The following OTUD7A variants were observed in gnomAD, a reference collection of about 807,000 sequenced individuals.
OTUD7A encodes the protein OTU deubiquitinase 7A, also known as OTU domain-containing protein 7A.
Under a neutral mutation model 65.7 loss-of-function variants are expected in OTUD7A, and 12 were observed. That is an observed-to-expected ratio of 0.18 (90% CI 0.12 to 0.30). The LOEUF is 0.30. Ranked by LOEUF, OTUD7A falls within the 10% of genes least tolerant of loss-of-function variation. The pLI is 1.00. For missense variants in OTUD7A, 1,148 were observed against 1,304.8 expected (o/e 0.88, Z 1.85); for synonymous variants, 641 against 586.3 (o/e 1.09, Z -1.35).
chr15:31,778,632 C>T (rs910568295), intron 1 of OTUD7A, among the ~76,000 whole-genome samples: 5 of 151,964 alleles, frequency 3.3e-5, no homozygotes, highest in Non-Finnish European at 7.4e-5. Context: ...TGTGTGGATT[C>T]GTGGAGTGCC....
chr15:31,792,325 C>G (rs575375817), intron 1 of OTUD7A, among the ~76,000 whole-genome samples: 29 of 152,292 alleles, frequency 1.9e-4, no homozygotes, highest in African/African-American at 6.7e-4. Flanking sequence ...CGGATGCCAT[C>G]ACCTCCAGTT....
chr15:31,837,620 A>G (rs1897087993), intron 1 of OTUD7A, among the ~76,000 whole-genome samples: 1 of 152,218 alleles, frequency 6.6e-6, no homozygotes, highest in Non-Finnish European at 1.5e-5. Context: ...TTGTATATTG[A>G]AAGTCACAAA....
At chr15:31,771,637 A>T (rs1895237021) in intron 1 of OTUD7A, among the ~76,000 whole-genome samples, 1 of 152,162 alleles carries the variant, frequency 6.6e-6, no homozygotes, top group Non-Finnish European at 1.5e-5. Context: ...TAAAATGGTT[A>T]ACTAGAACCT....
At chr15:31,691,305 G>T (rs1892956356) in intron 1 of OTUD7A, among the ~76,000 whole-genome samples, 1 of 151,908 alleles carries the variant, frequency 6.6e-6, no homozygotes, top group South Asian at 2.1e-4. Context: ...AAAGAACAAA[G>T]CTAAAGGCAT....
rs971496682 is a variant in OTUD7A, at chr15:31,480,013, T to C, written c.*3281A>G. The C allele has an allele frequency of 6.6e-6, 1 of 152,196 alleles. No homozygotes were observed. Among genetic ancestry groups the C allele is most frequent in the Non-Finnish European group, 1.5e-5 (1 of 68,042 alleles). 9.4% of individuals were successfully genotyped at this position (152,196 alleles called of 1,614,324 possible). A position where few individuals can be genotyped will look rare whatever the true frequency, so the allele number is the denominator to read the frequency against. On this transcript the variant is annotated 3_prime_UTR_variant, in exon 13 of 13. Coordinates refer to ENST00000307050, the MANE Select transcript of OTUD7A (RefSeq NM_001382637.1). ...AAAAAAGACACTGATACATTCCCAC[T>C]TTCAGAAGGTATTTGAACAAGCAGC... is the stretch of plus-strand genomic sequence containing the variant.
At chr15:31,766,034 C>A in intron 1 of OTUD7A, 1 of 1,558,512 alleles carries the variant, frequency 6.4e-7, no homozygotes, top group Non-Finnish European at 8.8e-7. Context: ...AGTAAGTTGG[C>A]AAAGGAGCAA....
At chr15:31,510,495 A>G (rs1336572684) in intron 8 of OTUD7A, among the ~76,000 whole-genome samples, 2 of 148,240 alleles carry the variant, frequency 1.3e-5, no homozygotes, top group Admixed American at 1.4e-4. Flanking sequence ...ATGTATATCT[A>G]TATGTAACAT....
intron 3 of OTUD7A, among the ~76,000 whole-genome samples, chr15:31,572,463 A>G (rs1223947973): frequency 1.2e-4 from 18 of 152,230 alleles, no homozygotes; most frequent in Admixed American, 1.2e-3. Context: ...TAGTAGACAC[A>G]GATTTCATGG....
intron 3 of OTUD7A, among the ~76,000 whole-genome samples, chr15:31,597,899 C>T (rs1419093825): frequency 6.6e-6 from 1 of 152,190 alleles, no homozygotes; most frequent in African/African-American, 2.4e-5. Flanking sequence ...CTGAGGGGAG[C>T]CAGCAGGATT....
intron 1 of OTUD7A, among the ~76,000 whole-genome samples, chr15:31,774,557 C>CT (rs1409460484): frequency 6.6e-6 from 1 of 152,218 alleles, no homozygotes; most frequent in East Asian, 1.9e-4. Flanking sequence ...CCAGCACACT[C>CT]TGTTAATGAG....
chr15:31,575,844 C>T (rs947065428), intron 3 of OTUD7A, among the ~76,000 whole-genome samples: 1 of 152,102 alleles, frequency 6.6e-6, no homozygotes, highest in Non-Finnish European at 1.5e-5. Context: ...GGACATAGTC[C>T]GTGAAGGGCA....
chr15:31,530,962 T>C (rs573451449), intron 5 of OTUD7A, among the ~76,000 whole-genome samples, 154 bp from the exon 6 acceptor site: 2 of 152,304 alleles, frequency 1.3e-5, no homozygotes, highest in Admixed American at 6.5e-5. Context: ...AAATAAAATA[T>C]AGATTTCTTT....
intron 1 of OTUD7A, among the ~76,000 whole-genome samples, chr15:31,795,327 T>A (rs1434112129): frequency 6.6e-6 from 1 of 152,192 alleles, no homozygotes; most frequent in Admixed American, 6.5e-5. Flanking sequence ...ACAGAGTCGC[T>A]AGCACCATCA....
At chr15:31,784,625 T>C (rs1321906861) in intron 1 of OTUD7A, among the ~76,000 whole-genome samples, 2 of 152,160 alleles carry the variant, frequency 1.3e-5, no homozygotes, top group Non-Finnish European at 2.9e-5. Flanking sequence ...AAAAGCTCTT[T>C]AGGCACCACG....
intron 1 of OTUD7A, among the ~76,000 whole-genome samples, chr15:31,712,927 G>A (rs1395440918): frequency 2.0e-5 from 3 of 151,758 alleles, no homozygotes; most frequent in Non-Finnish European, 1.5e-5. Flanking sequence ...TCAAAAATGA[G>A]GGAAATGATC....
rs1218300897 is a variant in OTUD7A, at chr15:31,703,286, AGT to A, written c.-99-46211_-99-46210del. Among the ~76,000 whole-genome samples, 25 of 152,340 alleles carry A rather than the reference AGT, an allele frequency of 1.6e-4. 1 individual carries two copies. The highest frequency in any genetic ancestry group is 6.8e-3 in the Middle Eastern group (2 of 294). On this transcript the variant is annotated intron_variant, in intron 1 of 12. Coordinates refer to ENST00000307050, the MANE Select transcript of OTUD7A (RefSeq NM_001382637.1). ...TTGAACTTTTTGTTCTGTGAAAGAG[AGT>A]AAAAAGACCAGCTACTGACTGGGAG... is the stretch of plus-strand genomic sequence containing the variant.
intron 1 of OTUD7A, among the ~76,000 whole-genome samples, chr15:31,796,964 C>G (rs1008557635): frequency 6.6e-6 from 1 of 152,208 alleles, no homozygotes; most frequent in Non-Finnish European, 1.5e-5. Context: ...GAACTCCTGA[C>G]CCCAGGTGAT....
intron 1 of OTUD7A, among the ~76,000 whole-genome samples, chr15:31,819,016 G>A (rs1291960325): frequency 1.3e-5 from 2 of 152,142 alleles, no homozygotes; most frequent in African/African-American, 4.8e-5. Flanking sequence ...AGAAAGAGAT[G>A]AGCTCAGAAA....
rs563869307 is a variant in OTUD7A, at chr15:31,535,500, T to C, written c.551-4692A>G. ...AATGGACTATTACCTACCTTTACCA[T>C]ATGACCCAGCAATTCCACTCGTGGA... On this transcript the variant is annotated intron_variant, in intron 5 of 12. Transcript: ENST00000307050. 2.0e-5 allele frequency among the ~76,000 whole-genome samples: 3 copies of C among 152,240 alleles called. No homozygotes were observed. The East Asian group carries it at 5.8e-4, about 29-fold the overall frequency.
Sources: gnomAD v4.1 joint callset for allele counts (sites outside exome capture counted in the v4.1 genomes callset) on GRCh38, gnomAD v4.1.1 for gene constraint, MANE v1.5 for transcripts, NCBI Gene and HGNC (gene_info 2026-07-23, HGNC 2026-07-21) for gene names.